The following MMP25 variants were observed in gnomAD, a reference collection of about 807,000 sequenced individuals.
The protein encoded by MMP25 is matrix metalloproteinase-25.
In MMP25, 68 loss-of-function variants were observed where a neutral mutation model predicts 62.1. That is an observed-to-expected ratio of 1.10 (90% CI 0.90 to 1.34). MMP25 has a LOEUF of 1.34. Among genes scored for constraint, MMP25 ranks in the 40% most tolerant of loss-of-function variants. MMP25 has a pLI of 0.00. For synonymous variants in MMP25, 407 were observed against 345.6 expected (o/e 1.18, Z -1.97); for missense variants, 942 against 792.5 (o/e 1.19, Z -2.26).
intron 7 of MMP25, 89 bp from the exon 8 acceptor site, chr16:3,058,092 T>A (rs1255302023): frequency 4.7e-6 from 7 of 1,492,846 alleles, no homozygotes; most frequent in Non-Finnish European, 6.4e-6. Context: ...GATTTCCAGA[T>A]GGGACCCCTC....
chr16:3,057,658 C>A, intron 7 of MMP25, 45 bp downstream of exon 7: 1 of 1,554,732 alleles, frequency 6.4e-7, no homozygotes, highest in Non-Finnish European at 8.9e-7. Context: ...TTCCTGCCCA[C>A]TTCCAGTGAC....
chr16:3,055,806 G>A (rs117271496), intron 4 of MMP25: 16,937 of 454,696 alleles, frequency 0.037, 426 homozygotes, highest in Non-Finnish European at 0.05. Flanking sequence ...CTGCGGGGCT[G>A]TGTCTCTGTC....
chr16:3,058,809 C>T lies in MMP25; in HGVS notation c.1418-18C>T, dbSNP rs1170178985. ...GGCGGGGCGGGGAGGGACCGGGACT[C>T]AAGCTCTGCTCCTCCAGGTGACACC... On this transcript the variant is annotated intron_variant, in intron 9 of 9. Coordinates refer to ENST00000336577, the MANE Select transcript of MMP25 (RefSeq NM_022468.5). 6.7e-7 allele frequency: 1 copy of T among 1,502,876 alleles called. No individual in the cohort carries two copies. Among genetic ancestry groups the T allele is most frequent in the Non-Finnish European group, 8.9e-7 (1 of 1,121,834 alleles). 93.1% of individuals were successfully genotyped at this position (1,502,876 alleles called of 1,614,324 possible).
chr16:3,059,529 T>A lies in MMP25; in HGVS notation c.*431T>A. ...GCGCGCTGGCCCCGCAGGACCTTCC[T>A]TTTCCAGGAAGAGCCAGCTTTTCTC... is the stretch of plus-strand genomic sequence containing the variant. On this transcript the variant is annotated 3_prime_UTR_variant, in exon 10 of 10. Coordinates refer to ENST00000336577, the MANE Select transcript of MMP25 (RefSeq NM_022468.5). 6.3e-6 allele frequency: 1 copy of A among 159,048 alleles called. No homozygotes were observed. The highest frequency in any genetic ancestry group is 6.5e-5 in the Admixed American group (1 of 15,466). The allele number at this position is 159,048 out of a possible 1,614,324, so 9.9% of individuals were successfully genotyped here.
At chr16:3,047,825 C>G (rs1160854379) in intron 2 of MMP25, among the ~76,000 whole-genome samples, 1 of 149,640 alleles carries the variant, frequency 6.7e-6, no homozygotes, top group Admixed American at 6.8e-5. Context: ...TGAGACCCCC[C>G]CACTCTCCAA....
In MMP25 at chr16:3,057,382, C is replaced by T. The variant is rs370333247; in HGVS notation, c.911C>T (p.Ser304Leu). 3.8e-5 allele frequency: 62 copies of T among 1,612,572 alleles called. No individual in the cohort carries two copies. The highest frequency in any genetic ancestry group is 4.0e-5 in the African/African-American group (3 of 74,900). Residue 304 changes from serine (S) to leucine (L), a missense_variant, in exon 6 of 10, where the codon TCG (serine) becomes TTG (leucine). By Grantham distance (145) the Ser-to-Leu change is moderately radical. Transcript: ENST00000336577. Reference sequence around the variant, plus strand: ...GCTCCTCCGCCCCAGCCCCCGGCCTCGCCCACACACAGGTGAGTCCCCCAC... The same window carrying T: ...GCTCCTCCGCCCCAGCCCCCGGCCTTGCCCACACACAGGTGAGTCCCCCAC... Reference protein sequence around the residue: ...PLAPPPQPPASPTHSPSFPIP... With the variant: ...PLAPPPQPPALPTHSPSFPIP...
At chr16:3,049,520 A>G (rs1347398950) in intron 2 of MMP25, among the ~76,000 whole-genome samples, 1 of 152,190 alleles carries the variant, frequency 6.6e-6, no homozygotes, top group African/African-American at 2.4e-5. Flanking sequence ...GACCCCAGAG[A>G]GACCTAACCC....
chr16:3,046,928 G>A lies in MMP25; in HGVS notation c.11G>A (p.Arg4Gln), dbSNP rs1250353504. The change falls in exon 1 of 10, where the codon CGG becomes CAG. Residue 4 changes from arginine (R) to glutamine (Q), a missense_variant. Coordinates refer to ENST00000336577, the MANE Select transcript of MMP25 (RefSeq NM_022468.5). ...GGGCTGGGGCGCACCATGCGGCTGC[G>A]GCTCCGGCTTCTGGCGCTGCTGCTT... Reference protein sequence around the residue: MRLRLRLLALLLLL... With the variant: MRLQLRLLALLLLL... 2.1e-6 allele frequency: 3 copies of A among 1,455,466 alleles called. No individual in the cohort carries two copies. Among genetic ancestry groups the A allele is most frequent in the Admixed American group, 2.6e-5 (1 of 37,894 alleles). The allele number at this position is 1,455,466 out of a possible 1,614,324, so 90.2% of individuals were successfully genotyped here. A position where few individuals can be genotyped will look rare whatever the true frequency, so the allele number is the denominator to read the frequency against.
rs1204248569 is a variant in MMP25 at position 3,057,891 on chromosome 16, A to G, written c.1006+278A>G. 6.9e-6 allele frequency: 4 copies of G among 581,876 alleles called. No individual in the cohort carries two copies. In the East Asian group the frequency reaches 1.2e-4, roughly 17 times the overall value. The allele number at this position is 581,876 out of a possible 1,614,324, so 36.0% of individuals were successfully genotyped here. Reference sequence around the variant, plus strand: ...TAATTTATTTTATTATTTTGTAGAGATGGAGTCTCACTATATTGCCCAGGC... The same window carrying G: ...TAATTTATTTTATTATTTTGTAGAGGTGGAGTCTCACTATATTGCCCAGGC... On this transcript the variant is annotated intron_variant, in intron 7 of 9. Transcript: ENST00000336577.
At chr16:3,048,268 G>C (rs923405458) in intron 2 of MMP25, among the ~76,000 whole-genome samples, 1 of 152,178 alleles carries the variant, frequency 6.6e-6, no homozygotes, top group Non-Finnish European at 1.5e-5. Flanking sequence ...TGATTGCACC[G>C]TTGCACTCCA....
chr16:3,059,662 T>G lies in MMP25; in HGVS notation c.*564T>G, dbSNP rs1956082180. 6.6e-6 allele frequency: 1 copy of G among 152,266 alleles called. No homozygotes were observed. Among genetic ancestry groups the G allele is most frequent in the South Asian group, 2.1e-4 (1 of 4,812 alleles). 9.4% of individuals were successfully genotyped at this position (152,266 alleles called of 1,614,324 possible). On this transcript the variant is annotated 3_prime_UTR_variant, in exon 10 of 10. Coordinates refer to ENST00000336577, the MANE Select transcript of MMP25 (RefSeq NM_022468.5). ...TGACTGCGAAGCTGTGCCTTGCCCC[T>G]CTCCCACCCGCAGTTTCTCACCCCG... is the stretch of plus-strand genomic sequence containing the variant.
chr16:3,047,921 C>A (rs1955844503), intron 2 of MMP25, among the ~76,000 whole-genome samples: 1 of 151,480 alleles, frequency 6.6e-6, no homozygotes, highest in Non-Finnish European at 1.5e-5. Flanking sequence ...CTCACCGCAA[C>A]CTCTGCCTCC....
At chr16:3,047,819 A>AC (rs527923913) in intron 2 of MMP25, among the ~76,000 whole-genome samples, 299 of 145,862 alleles carry the variant, frequency 2.0e-3, no homozygotes, top group Non-Finnish European at 2.9e-3. Context: ...ACAAAGTGAG[A>AC]CCCCCCCACT....
rs777842371 is a variant in MMP25, at chr16:3,046,941, G to A, written c.24G>A (p.Leu8=). Residue 8 remains leucine (L), a synonymous_variant, in exon 1 of 10, where the codon CTG becomes CTA. Coordinates refer to ENST00000336577, the MANE Select transcript of MMP25 (RefSeq NM_022468.5). MRLRLRL[L]ALLLLLLAPP... is the part of the protein sequence containing the mutation. ...CCATGCGGCTGCGGCTCCGGCTTCT[G>A]GCGCTGCTGCTTCTGCTGCTGGCAC... is the stretch of plus-strand genomic sequence containing the variant. The A allele has an allele frequency of 2.0e-6, 3 of 1,466,300 alleles. No individual in the cohort carries two copies. The South Asian group carries it at 3.9e-5, about 19-fold the overall frequency. 90.8% of individuals were successfully genotyped at this position (1,466,300 alleles called of 1,614,324 possible).
rs200216387 is a variant in MMP25, at chr16:3,050,300, C to T, written c.415C>T (p.Arg139Trp). The T allele has an allele frequency of 2.9e-5, 47 of 1,611,948 alleles. No individual in the cohort carries two copies. Among genetic ancestry groups the T allele is most frequent in the African/African-American group, 2.0e-4 (15 of 75,018 alleles). ...QSSQLSQETV[R>W]VLMSYALMAW... is the part of the protein sequence containing the mutation. ...CTCCCAGCTGAGCCAGGAGACCGTGCGGGTCCTCATGAGCTATGCCCTGAT... is the reference window on the plus strand; with the variant it reads ...CTCCCAGCTGAGCCAGGAGACCGTGTGGGTCCTCATGAGCTATGCCCTGAT... The change falls in exon 4 of 10, where the codon CGG becomes TGG. Residue 139 changes from arginine (R) to tryptophan (W), a missense_variant. Transcript: ENST00000336577.
rs1358252169 is a variant in MMP25, at chr16:3,047,345, G to A, written c.100-70G>A. 2.6e-6 allele frequency: 4 copies of A among 1,544,336 alleles called. No individual in the cohort carries two copies. In the African/African-American group the frequency reaches 4.1e-5, roughly 16 times the overall value. ...TGCCTGGGAGGGGCAGGGCTGCCAG[G>A]ATGGTGGTGGGCAGAGAGAGCCCAT... On this transcript the variant is annotated intron_variant, in intron 1 of 9. Transcript: ENST00000336577.
At chr16:3,049,792 G>A (rs1229431447) in intron 2 of MMP25, among the ~76,000 whole-genome samples, 3 of 152,226 alleles carry the variant, frequency 2.0e-5, no homozygotes, top group African/African-American at 7.2e-5. Flanking sequence ...TCCCAGGCCA[G>A]GTGACGCCAC....
At position 3,046,785 on chromosome 16, in the gene MMP25, C is replaced by T. The variant is rs568339255; in HGVS notation, c.-133C>T. The T allele has an allele frequency of 3.5e-5, 17 of 485,150 alleles. No homozygotes were observed. In the East Asian group the frequency reaches 4.8e-4, roughly 14 times the overall value. 30.1% of individuals were successfully genotyped at this position (485,150 alleles called of 1,614,324 possible). A position where few individuals can be genotyped will look rare whatever the true frequency, so the allele number is the denominator to read the frequency against. ...GACCCCCACACACATCCCAGCCCTC[C>T]GGCCGATCCCTCCCTACTCGGTGCC... On this transcript the variant is annotated 5_prime_UTR_variant, in exon 1 of 10. Coordinates refer to ENST00000336577, the MANE Select transcript of MMP25 (RefSeq NM_022468.5).
rs956203747 is a variant in MMP25 at position 3,059,246 on chromosome 16, C to T, written c.*148C>T. 4 of 924,510 alleles carry T rather than the reference C, an allele frequency of 4.3e-6. No individual in the cohort carries two copies. The African/African-American group carries it at 7.0e-5, about 16-fold the overall frequency. 57.3% of individuals were successfully genotyped at this position (924,510 alleles called of 1,614,324 possible). A position where few individuals can be genotyped will look rare whatever the true frequency, so the allele number is the denominator to read the frequency against. On this transcript the variant is annotated 3_prime_UTR_variant, in exon 10 of 10. Coordinates refer to ENST00000336577, the MANE Select transcript of MMP25 (RefSeq NM_022468.5). Reference sequence around the variant, plus strand: ...CGCGGACTAAGCAGGGGGGATCTCCCGCGCAGGGGCGGCGGCGGCGGGGAC... The same window carrying T: ...CGCGGACTAAGCAGGGGGGATCTCCTGCGCAGGGGCGGCGGCGGCGGGGAC...
Sources: allele counts gnomAD v4.1 joint callset (sites outside exome capture counted in the v4.1 genomes callset), GRCh38; gene constraint gnomAD v4.1.1; transcripts MANE v1.5; gene names NCBI Gene and HGNC (gene_info 2026-07-23, HGNC 2026-07-21).